Variants in FARP1 observed in about 807,000 individuals in gnomAD.
FARP1 encodes FERM, ARH/RhoGEF and pleckstrin domain protein 1, also known as FERM, ARHGEF and pleckstrin domain-containing protein 1.
Under a neutral mutation model 128.8 loss-of-function variants are expected in FARP1, and 52 were observed. That is an observed-to-expected ratio of 0.40 (90% CI 0.32 to 0.51). The LOEUF (loss-of-function observed/expected upper bound fraction) is 0.51. Among genes scored for constraint, FARP1 ranks in the 20% least tolerant of loss-of-function variants. The pLI, the probability that FARP1 is intolerant of heterozygous loss-of-function variation, is 0.45. For missense variants in FARP1, 1,333 were observed against 1,367.9 expected (o/e 0.97, Z 0.40); for synonymous variants, 580 against 551.8 (o/e 1.05, Z -0.72).
chr13:98,252,785 TTATC>T (rs1275277013), intron 2 of FARP1, among the ~76,000 whole-genome samples: 2 of 152,234 alleles, frequency 1.3e-5, no homozygotes, highest in African/African-American at 4.8e-5. Flanking sequence ...TTAAGGAAGA[TTATC>T]TATTATCCTG....
chr13:98,270,883 A>G (rs1884356887), intron 2 of FARP1, among the ~76,000 whole-genome samples: 1 of 151,900 alleles, frequency 6.6e-6, no homozygotes, highest in East Asian at 1.9e-4. Context: ...TATACTGCAG[A>G]GAGCAGGGGC....
At chr13:98,331,209 C>G (rs1887495925) in intron 2 of FARP1, among the ~76,000 whole-genome samples, 1 of 152,208 alleles carries the variant, frequency 6.6e-6, no homozygotes, top group African/African-American at 2.4e-5. Context: ...TCTAGACTGT[C>G]AGCATTGTTG....
chr13:98,418,759 G>A (rs777529036), intron 16 of FARP1, among the ~76,000 whole-genome samples: 13 of 152,298 alleles, frequency 8.5e-5, no homozygotes, highest in South Asian at 2.1e-4. Flanking sequence ...AGCCCTCTCC[G>A]GGTCACTAGA....
chr13:98,187,296 C>T (rs1878942321), intron 1 of FARP1, among the ~76,000 whole-genome samples: 1 of 152,112 alleles, frequency 6.6e-6, no homozygotes, highest in Non-Finnish European at 1.5e-5. Flanking sequence ...CAACATATCT[C>T]ATATTTGAAT....
At chr13:98,194,863 T>C (rs955254979) in intron 1 of FARP1, among the ~76,000 whole-genome samples, 1 of 152,098 alleles carries the variant, frequency 6.6e-6, no homozygotes, top group African/African-American at 2.4e-5. Context: ...CAGTGGCGGG[T>C]ATCTACTGAA....
chr13:98,210,612 C>T lies in FARP1; in HGVS notation c.-23-2608C>T, dbSNP rs373327963. Among the ~76,000 whole-genome samples the T allele has an allele frequency of 5.3e-5, 8 of 151,334 alleles. 1 individual carries two copies. Among genetic ancestry groups the T allele is most frequent in the African/African-American group, 1.2e-4 (5 of 41,306 alleles). On this transcript the variant is annotated intron_variant, in intron 1 of 26. Coordinates refer to ENST00000319562, the MANE Select transcript of FARP1 (RefSeq NM_005766.4). ...TCGCCCAGGCTGGAGTGCGGTGGCG[C>T]GATCTTGGCTCACTGCAACCTCCGC...
chr13:98,325,951 T>C (rs1043830396), intron 2 of FARP1, among the ~76,000 whole-genome samples: 2 of 152,256 alleles, frequency 1.3e-5, no homozygotes, highest in Non-Finnish European at 2.9e-5. Context: ...CTTCTCTTCA[T>C]AGGTCTCCCT....
intron 2 of FARP1, among the ~76,000 whole-genome samples, chr13:98,248,106 A>C (rs936129331): frequency 3.3e-5 from 5 of 152,198 alleles, no homozygotes; most frequent in African/African-American, 1.2e-4. Context: ...AAACAGGCCA[A>C]TGGGTGCAAT....
In FARP1 at chr13:98,200,093, G is replaced by A. The variant is rs1438605712; in HGVS notation, c.-23-13127G>A. On this transcript the variant is annotated intron_variant, in intron 1 of 26. Coordinates refer to ENST00000319562, the MANE Select transcript of FARP1 (RefSeq NM_005766.4). ...CAAAGCCAAAGTATTGACTTAGATTGTTTTTAGAACAAGGTTGGAGTAGAA... is the reference window on the plus strand; with the variant it reads ...CAAAGCCAAAGTATTGACTTAGATTATTTTTAGAACAAGGTTGGAGTAGAA... Among the ~76,000 whole-genome samples, 5 of 152,324 alleles carry A rather than the reference G, an allele frequency of 3.3e-5. No individual in the cohort carries two copies. The South Asian group carries it at 8.3e-4, about 25-fold the overall frequency.
Position 98,452,843 on chromosome 13 carries a change from A to G in FARP1, c.*4526A>G, listed in dbSNP as rs1893261482. 1 of 243,508 alleles carries G rather than the reference A, an allele frequency of 4.1e-6. No individual in the cohort carries two copies. The highest frequency in any genetic ancestry group is 2.3e-5 in the African/African-American group (1 of 44,444). 15.1% of individuals were successfully genotyped at this position (243,508 alleles called of 1,614,324 possible). A position where few individuals can be genotyped will look rare whatever the true frequency, so the allele number is the denominator to read the frequency against. ...TTCATGTCTTTAGTTGCCTTATCAT[A>G]ATCCCAAATATACATTTCAGGGTTT... On this transcript the variant is annotated 3_prime_UTR_variant, in exon 27 of 27. Transcript: ENST00000319562.
intron 5 of FARP1, 90 bp downstream of exon 5, chr13:98,368,285 C>G: frequency 7.5e-6 from 7 of 938,572 alleles, no homozygotes; most frequent in Non-Finnish European, 1.2e-5. Context: ...CAAACATTTT[C>G]ATAATGTTTA....
At chr13:98,432,288 C>T (rs1298756921) in intron 18 of FARP1, 5 of 152,308 alleles carry the variant, frequency 3.3e-5, no homozygotes. Context: ...ACGTTCACAC[C>T]ATTACTCCTT....
At chr13:98,252,152 A>G (rs949387714) in intron 2 of FARP1, among the ~76,000 whole-genome samples, 1 of 152,128 alleles carries the variant, frequency 6.6e-6, no homozygotes, top group South Asian at 2.1e-4. Flanking sequence ...CCACCTATAT[A>G]TGTATTTAAC....
chr13:98,285,152 G>C (rs1451932126), intron 2 of FARP1, among the ~76,000 whole-genome samples: 1 of 152,136 alleles, frequency 6.6e-6, no homozygotes, highest in African/African-American at 2.4e-5. Context: ...AGTCTAGATT[G>C]TAACAATGTG....
chr13:98,447,849 AAAAAAG>A (rs1334631538), intron 26 of FARP1: 9 of 209,030 alleles, frequency 4.3e-5, no homozygotes, highest in Admixed American at 2.8e-4. Flanking sequence ...TGTCTCAAAA[AAAAAAG>A]AAAAAGAAAA....
At chr13:98,421,987 C>T (rs771094771) in intron 16 of FARP1, among the ~76,000 whole-genome samples, 20 of 152,108 alleles carry the variant, frequency 1.3e-4, no homozygotes, top group Non-Finnish European at 1.9e-4. Flanking sequence ...TCTGGATGGT[C>T]TAAGAAATGC....
At chr13:98,283,354 A>G (rs1456739465) in intron 2 of FARP1, among the ~76,000 whole-genome samples, 1 of 152,244 alleles carries the variant, frequency 6.6e-6, no homozygotes, top group Non-Finnish European at 1.5e-5. Flanking sequence ...CAAATTTTTT[A>G]GAACAGTAGA....
At chr13:98,246,087 C>CT (rs56274534) in intron 2 of FARP1, among the ~76,000 whole-genome samples, 496 of 36,918 alleles carry the variant, frequency 0.013, 77 homozygotes, top group African/African-American at 0.038. Flanking sequence ...GAGATAAATT[C>CT]TTTTTTTTTT....
At chr13:98,251,083 A>T (rs1009421947) in intron 2 of FARP1, among the ~76,000 whole-genome samples, 39 of 152,218 alleles carry the variant, frequency 2.6e-4, no homozygotes, top group African/African-American at 9.2e-4. Context: ...AAAAATGACG[A>T]TTTCTAATAT....
Sources: allele counts gnomAD v4.1 joint callset (sites outside exome capture counted in the v4.1 genomes callset), GRCh38; gene constraint gnomAD v4.1.1; transcripts MANE v1.5; gene names NCBI Gene and HGNC (gene_info 2026-07-23, HGNC 2026-07-21).